CCSER1: variants seen among roughly 807,000 people sequenced by gnomAD.
CCSER1 encodes serine-rich coiled-coil domain-containing protein 1.
In CCSER1, 41 loss-of-function variants were observed where a neutral mutation model predicts 82.0. The ratio of observed to expected loss-of-function variants is 0.50; its 90% CI spans 0.39 to 0.65. The LOEUF (loss-of-function observed/expected upper bound fraction) is 0.65, where lower values mean the gene tolerates loss of function less well. CCSER1 is among the 30% of genes least tolerant of loss of function. The pLI is 0.00. For synonymous variants in CCSER1, 414 were observed against 383.9 expected, an observed-to-expected ratio of 1.08 and a Z score of -0.92; for missense variants, 1,119 against 1,064.2, an observed-to-expected ratio of 1.05 and a Z score of -0.72.
intron 10 of CCSER1, among the ~76,000 whole-genome samples, chr4:91,400,884 G>A (rs1428276866): frequency 6.6e-6 from 1 of 151,712 alleles, no homozygotes; most frequent in Non-Finnish European, 1.5e-5. Context: ...AGAAAAAAGG[G>A]CACAGTGGCA....
At chr4:90,199,475 G>A (rs1737235567) in intron 1 of CCSER1, among the ~76,000 whole-genome samples, 1 of 151,848 alleles carries the variant, frequency 6.6e-6, no homozygotes. Context: ...TTGCTATTAT[G>A]GTAATGATTT....
chr4:90,933,504 T>TA (rs956552146), intron 9 of CCSER1, among the ~76,000 whole-genome samples: 13 of 151,830 alleles, frequency 8.6e-5, no homozygotes, highest in African/African-American at 2.9e-4. Flanking sequence ...TTTTTTTTTT[T>TA]AATTTATGAA....
chr4:91,154,951 G>A (rs1280837995), intron 10 of CCSER1, among the ~76,000 whole-genome samples: 1 of 151,696 alleles, frequency 6.6e-6, no homozygotes, highest in East Asian at 1.9e-4. Context: ...TAGCTATTAA[G>A]TAGAAAAGGC....
At chr4:90,484,015 A>G (rs550424104) in intron 5 of CCSER1, among the ~76,000 whole-genome samples, 2 of 152,306 alleles carry the variant, frequency 1.3e-5, no homozygotes, top group South Asian at 2.1e-4. Flanking sequence ...TACACCAATT[A>G]GACGTAGATT....
At chr4:90,844,828 T>G (rs1763003097) in intron 8 of CCSER1, among the ~76,000 whole-genome samples, 1 of 152,152 alleles carries the variant, frequency 6.6e-6, no homozygotes. Flanking sequence ...CAACAACATA[T>G]TTGTAGTTGC....
chr4:90,408,776 G>C (rs552920532), intron 4 of CCSER1, among the ~76,000 whole-genome samples: 29 of 152,338 alleles, frequency 1.9e-4, no homozygotes, highest in African/African-American at 5.5e-4. Flanking sequence ...AACAAAGCTG[G>C]ACGGACAATG....
At chr4:90,474,037 A>G (rs1234350423) in intron 5 of CCSER1, among the ~76,000 whole-genome samples, 1 of 151,824 alleles carries the variant, frequency 6.6e-6, no homozygotes, top group Non-Finnish European at 1.5e-5. Flanking sequence ...GCTACTTGAG[A>G]GGCTGAGGCA....
intron 6 of CCSER1, among the ~76,000 whole-genome samples, chr4:90,712,635 G>A (rs148623832): frequency 2.3e-4 from 35 of 151,940 alleles, no homozygotes; most frequent in African/African-American, 8.0e-4. Context: ...GGAGAGTTCT[G>A]TAGATATCCG....
At chr4:90,830,348 T>C (rs542184269) in intron 8 of CCSER1, among the ~76,000 whole-genome samples, 14 of 152,282 alleles carry the variant, frequency 9.2e-5, no homozygotes, top group African/African-American at 2.6e-4. Flanking sequence ...CTGCAGAATG[T>C]CATTTAAAGA....
At chr4:90,759,349 A>G (rs1250573006) in intron 7 of CCSER1, among the ~76,000 whole-genome samples, 1 of 152,182 alleles carries the variant, frequency 6.6e-6, no homozygotes, top group Non-Finnish European at 1.5e-5. Flanking sequence ...TAGAAAATTG[A>G]GTTCTTTAAA....
chr4:90,745,857 A>AT (rs1413910427), intron 7 of CCSER1, among the ~76,000 whole-genome samples: 2 of 140,780 alleles, frequency 1.4e-5, no homozygotes, highest in East Asian at 2.0e-4. Context: ...ACCCAGCTAA[A>AT]TTTTTTTTAA....
At chr4:91,271,710 TATAC>T (rs1464237226) in intron 10 of CCSER1, among the ~76,000 whole-genome samples, 5 of 152,084 alleles carry the variant, frequency 3.3e-5, no homozygotes, top group Admixed American at 6.6e-5. Flanking sequence ...GATATACATA[TATAC>T]ATACACATAT....
At chr4:90,857,215 A>G (rs1042707438) in intron 8 of CCSER1, among the ~76,000 whole-genome samples, 4 of 152,090 alleles carry the variant, frequency 2.6e-5, no homozygotes, top group African/African-American at 9.7e-5. Context: ...ATAAAGCTGC[A>G]TTCAAGCTGG....
At chr4:90,847,284 A>G (rs1056439946) in intron 8 of CCSER1, among the ~76,000 whole-genome samples, 1 of 152,166 alleles carries the variant, frequency 6.6e-6, no homozygotes, top group Non-Finnish European at 1.5e-5. Flanking sequence ...ACTGGGACAG[A>G]TGTATGCATG....
chr4:91,164,602 C>T (rs1731826727), intron 10 of CCSER1, among the ~76,000 whole-genome samples: 1 of 152,274 alleles, frequency 6.6e-6, no homozygotes, highest in African/African-American at 2.4e-5. Context: ...CACATAGTCC[C>T]ATATTTCTTG....
rs759686808 is a variant in CCSER1, at chr4:90,308,822, C to G, written c.538C>G (p.Leu180Val). The G allele has an allele frequency of 2.5e-6, 4 of 1,613,626 alleles. No individual in the cohort carries two copies. The highest frequency in any genetic ancestry group is 2.7e-5 in the African/African-American group (2 of 74,910). The stretch of plus-strand genomic sequence containing the variant: ...TTCTGTTAAGCAGTCAACAAGGAAG[C>G]TACTCCCTAAATCTTTTTCATCTCA... ...RRSVKQSTRK[L>V]LPKSFSSHYK... Residue 180 changes from leucine (L) to valine (V), a missense_variant, in exon 2 of 11, where the codon CTA becomes GTA. Coordinates refer to ENST00000509176, the MANE Select transcript of CCSER1 (RefSeq NM_001145065.2).
intron 10 of CCSER1, among the ~76,000 whole-genome samples, chr4:91,177,094 C>T (rs28770838): frequency 0.011 from 1,697 of 152,130 alleles, 38 homozygotes; most frequent in African/African-American, 0.036. Context: ...TTTTTGTCTT[C>T]GGTTCTGTTT....
At chr4:90,520,248 G>A (rs1772906417) in intron 5 of CCSER1, among the ~76,000 whole-genome samples, 2 of 150,902 alleles carry the variant, frequency 1.3e-5, no homozygotes, top group African/African-American at 4.9e-5. Context: ...ATTTATAATT[G>A]TATATAACCT....
chr4:90,262,264 T>G (rs1268919002), intron 1 of CCSER1, among the ~76,000 whole-genome samples: 3 of 152,172 alleles, frequency 2.0e-5, no homozygotes, highest in Non-Finnish European at 4.4e-5. Context: ...CTTTTTATCC[T>G]CTTGAGGATG....
Sources: gnomAD v4.1 joint callset for allele counts (sites outside exome capture counted in the v4.1 genomes callset) on GRCh38, gnomAD v4.1.1 for gene constraint, MANE v1.5 for transcripts, NCBI Gene and HGNC (gene_info 2026-07-23, HGNC 2026-07-21) for gene names.